Variants in MIR2052HG observed in about 807,000 individuals in gnomAD.
The protein encoded by MIR2052HG is MIR2052 host gene.
chr8:74,711,241 T>C (rs1202036020), intron 4 of MIR2052HG, among the ~76,000 whole-genome samples: 1 of 152,176 alleles, frequency 6.6e-6, no homozygotes, highest in Non-Finnish European at 1.5e-5. Flanking sequence ...TGCACTGCCC[T>C]TTTCCCAGGT....
At chr8:74,727,470 G>A (rs548961763) in intron 4 of MIR2052HG, among the ~76,000 whole-genome samples, 1 of 152,090 alleles carries the variant, frequency 6.6e-6, no homozygotes, top group South Asian at 2.1e-4. Flanking sequence ...ACTGAATAAG[G>A]TTACATTCTT....
intron 4 of MIR2052HG, among the ~76,000 whole-genome samples, chr8:74,729,492 T>A (rs905814858): frequency 6.6e-6 from 1 of 152,190 alleles, no homozygotes; most frequent in African/African-American, 2.4e-5. Flanking sequence ...TGTGAAATGA[T>A]GTCTATCTTA....
At chr8:74,614,276 C>G (rs958588435) in intron 2 of MIR2052HG, among the ~76,000 whole-genome samples, 2 of 152,034 alleles carry the variant, frequency 1.3e-5, no homozygotes, top group African/African-American at 4.8e-5. Context: ...GCCTTTTATG[C>G]CTATTAAAAT....
chr8:74,707,676 G>T (rs1809425261), intron 4 of MIR2052HG, among the ~76,000 whole-genome samples: 1 of 152,006 alleles, frequency 6.6e-6, no homozygotes, highest in Non-Finnish European at 1.5e-5. Flanking sequence ...GTGTTTTTAT[G>T]TATGAGACAT....
At chr8:74,682,341 T>C (rs990414609) in intron 2 of MIR2052HG, among the ~76,000 whole-genome samples, 4 of 151,998 alleles carry the variant, frequency 2.6e-5, no homozygotes, top group Non-Finnish European at 5.9e-5. Flanking sequence ...TCAGATGACA[T>C]CACAAAGACT....
chr8:74,658,700 GA>G (rs1808832278), intron 2 of MIR2052HG, among the ~76,000 whole-genome samples: 1 of 152,094 alleles, frequency 6.6e-6, no homozygotes, highest in Admixed American at 6.6e-5. Flanking sequence ...GATGTTCCTT[GA>G]GTTTGCAGAA....
chr8:74,742,526 G>A (rs1809841227), intron 4 of MIR2052HG, among the ~76,000 whole-genome samples: 1 of 151,860 alleles, frequency 6.6e-6, no homozygotes, highest in Non-Finnish European at 1.5e-5. Flanking sequence ...CCTATAATTA[G>A]GTGACAAATG....
At chr8:74,602,876 T>TCCTTCTTTCTTTCTTTCTTTCTTTCTTTC (rs1554570015) in intron 1 of MIR2052HG, among the ~76,000 whole-genome samples, 2 of 137,064 alleles carry the variant, frequency 1.5e-5, no homozygotes, top group Admixed American at 1.5e-4. Context: ...TTTCTTTCTT[T>TCCTTCTTTCTTTCTTTCTTTCTTTCTTTC]TTTCTATTCA....
chr8:74,648,318 C>T (rs1320895180), intron 2 of MIR2052HG, among the ~76,000 whole-genome samples: 1 of 152,162 alleles, frequency 6.6e-6, no homozygotes, highest in African/African-American at 2.4e-5. Flanking sequence ...GCAGTACCCT[C>T]AGCTTACTAG....
At chr8:74,708,832 T>A (rs1255190240) in intron 4 of MIR2052HG, among the ~76,000 whole-genome samples, 1 of 151,166 alleles carries the variant, frequency 6.6e-6, no homozygotes, top group Non-Finnish European at 1.5e-5. Flanking sequence ...AAATTAAAAA[T>A]TTAAATAAAA....
At chr8:74,655,166 T>C (rs1207861849) in intron 2 of MIR2052HG, among the ~76,000 whole-genome samples, 1 of 152,110 alleles carries the variant, frequency 6.6e-6, no homozygotes, top group Non-Finnish European at 1.5e-5. Flanking sequence ...GCATTCCATT[T>C]TAAAAGAAAA....
chr8:74,601,109 G>A (rs899559368), intron 1 of MIR2052HG, among the ~76,000 whole-genome samples: 1 of 152,150 alleles, frequency 6.6e-6, no homozygotes, highest in Non-Finnish European at 1.5e-5. Context: ...CAGTCAGGTT[G>A]GCTAGGAACT....
intron 4 of MIR2052HG, among the ~76,000 whole-genome samples, chr8:74,712,640 T>G (rs892960743): frequency 6.6e-6 from 1 of 151,864 alleles, no homozygotes; most frequent in African/African-American, 2.4e-5. Flanking sequence ...ACTTTTGTAT[T>G]ACAACTTGGC....
intron 2 of MIR2052HG, among the ~76,000 whole-genome samples, chr8:74,619,806 G>C (rs962853038): frequency 6.6e-6 from 1 of 152,062 alleles, no homozygotes; most frequent in Admixed American, 6.6e-5. Flanking sequence ...ATATCTTTTT[G>C]CTCTGGCCCC....
chr8:74,694,014 C>G (rs772914378), intron 2 of MIR2052HG, among the ~76,000 whole-genome samples: 18 of 152,174 alleles, frequency 1.2e-4, no homozygotes, highest in Admixed American at 2.0e-4. Flanking sequence ...AGCTGATGCT[C>G]TCCTGAAAGT....
At chr8:74,652,606 G>C (rs957065684) in intron 2 of MIR2052HG, among the ~76,000 whole-genome samples, 11 of 152,118 alleles carry the variant, frequency 7.2e-5, no homozygotes, top group African/African-American at 2.7e-4. Context: ...CATGACCTTT[G>C]ATATAAATGT....
At chr8:74,737,396 G>C (rs1809778860) in intron 4 of MIR2052HG, among the ~76,000 whole-genome samples, 1 of 152,128 alleles carries the variant, frequency 6.6e-6, no homozygotes, top group Non-Finnish European at 1.5e-5. Flanking sequence ...CCACACTGTG[G>C]AGTATACTTC....
At chr8:74,667,328 G>A (rs1808941027) in intron 2 of MIR2052HG, among the ~76,000 whole-genome samples, 1 of 152,114 alleles carries the variant, frequency 6.6e-6, no homozygotes, top group Non-Finnish European at 1.5e-5. Flanking sequence ...GCATCCTCAT[G>A]AATTAGAAGG....
intron 2 of MIR2052HG, among the ~76,000 whole-genome samples, chr8:74,683,501 C>G (rs1429802649): frequency 1.3e-5 from 2 of 152,112 alleles, no homozygotes; most frequent in African/African-American, 2.4e-5. Flanking sequence ...ATTCAGATGA[C>G]TAGGTTCTTA....
Sources: allele counts gnomAD v4.1 joint callset (sites outside exome capture counted in the v4.1 genomes callset), GRCh38; gene constraint gnomAD v4.1.1; transcripts MANE v1.5; gene names NCBI Gene and HGNC (gene_info 2026-07-23, HGNC 2026-07-21).